DNMT1: variants seen among roughly 807,000 people sequenced by gnomAD.
The protein encoded by DNMT1 is DNA methyltransferase 1, also known as DNA (cytosine-5)-methyltransferase 1.
Under a neutral mutation model 205.3 loss-of-function variants are expected in DNMT1, and 24 were observed. The observed-to-expected ratio is 0.12, with a 90% CI of 0.08 to 0.16. The LOEUF is 0.16. DNMT1 is among the 10% of genes least tolerant of loss of function. The probability of loss-of-function intolerance (pLI) is 1.00; values close to 1 mark genes in which losing one functional copy is unlikely to be tolerated. For missense variants in DNMT1, 1,293 were observed against 2,177.7 expected (o/e 0.59, Z 8.09); for synonymous variants, 817 against 839.8 (o/e 0.97, Z 0.47).
chr19:10,142,212 T>C lies in DNMT1; in HGVS notation c.3125A>G (p.Asn1042Ser). The stretch of plus-strand genomic sequence containing the variant: ...GCTCGCTGGAGTGGACTTGTGGGTG[T>C]TCTCAGGCCTGCGAGCGGGAGAGGC... Reference protein sequence around the residue: ...IRVNKFYRPENTHKSTPASYH... With the variant: ...IRVNKFYRPESTHKSTPASYH... Residue 1042 changes from asparagine to serine, a missense_variant, in exon 30 of 41, where the codon AAC becomes AGC. By Grantham distance (46) the Asn-to-Ser change is conservative. Coordinates refer to ENST00000359526, the MANE Select transcript of DNMT1 (RefSeq NM_001130823.3). 6.2e-7 allele frequency: 1 copy of C among 1,613,956 alleles called. No homozygotes were observed. The highest frequency in any genetic ancestry group is 8.5e-7 in the Non-Finnish European group (1 of 1,180,016).
In DNMT1 at chr19:10,193,953, G is replaced by A. The variant is rs371369904; in HGVS notation, c.80+867C>T. ...GTGCTCCCACTGATCCTTGTGCACG[G>A]AAGTTGGACAGAGGCATGAACTGCT... is the stretch of plus-strand genomic sequence containing the variant. On this transcript the variant is annotated intron_variant, in intron 1 of 40. Transcript: ENST00000359526. Among the ~76,000 whole-genome samples the A allele has an allele frequency of 1.2e-4, 19 of 152,258 alleles. No individual in the cohort carries two copies. The East Asian group carries it at 3.3e-3, about 26-fold the overall frequency.
chr19:10,166,545 A>G, intron 11 of DNMT1, 53 bp downstream of exon 11: 7 of 1,610,302 alleles, frequency 4.3e-6, no homozygotes, highest in African/African-American at 1.3e-5. Context: ...CCGCCCAAGC[A>G]AACAGGAGCA....
chr19:10,172,763 C>A (rs533940585), intron 9 of DNMT1, among the ~76,000 whole-genome samples: 2 of 151,746 alleles, frequency 1.3e-5, no homozygotes, highest in Non-Finnish European at 2.9e-5. Context: ...TGCAACGAGC[C>A]GAGATCGCAC....
Position 10,180,418 on chromosome 19 carries a change from T to G in DNMT1, c.377A>C (p.Asn126Thr), listed in dbSNP as rs751681312. Residue 126 changes from asparagine (N) to threonine (T), a missense_variant, in exon 4 of 41, where the codon AAC becomes ACC. Physicochemically the swap from Asn to Thr is moderately conservative, Grantham distance 65. Transcript: ENST00000359526. ...TTTGGAAAGGGGTTTGGGGGGGCTG[T>G]TGGCATCTGCCATTCCCACTCTACG... ...EARRVGMADA[N>T]SPPKPLSKPR... 6.2e-7 allele frequency: 1 copy of G among 1,614,150 alleles called. No homozygotes were observed. Among genetic ancestry groups the G allele is most frequent in the South Asian group, 1.1e-5 (1 of 91,078 alleles).
Position 10,142,012 on chromosome 19 carries a change from C to A in DNMT1, c.3309+16G>T, listed in dbSNP as rs772128119. On this transcript the variant is annotated intron_variant, in intron 30 of 40. Coordinates refer to ENST00000359526, the MANE Select transcript of DNMT1 (RefSeq NM_001130823.3). ...TTTGACCCCGAAGCCTTCCCTCTAG[C>A]AAGCAGGGGCACCACCTCGAGGAAG... 3.1e-6 allele frequency: 5 copies of A among 1,611,598 alleles called. No homozygotes were observed. In the Middle Eastern group the frequency reaches 6.8e-4, roughly 218 times the overall value.
rs113257434 is a variant in DNMT1, at chr19:10,168,047, C to T, written c.803+283G>A. Among the ~76,000 whole-genome samples, 834 of 151,980 alleles carry T rather than the reference C, an allele frequency of 5.5e-3. 9 individuals are homozygous for T. Among genetic ancestry groups the T allele is most frequent in the African/African-American group, 0.019 (796 of 41,434 alleles). Reference sequence around the variant, plus strand: ...CTGAGACAGGAGAATTGCTTGAGCCCGGGAGGTGGGGGTTGCAGTGAGCCA... The same window carrying T: ...CTGAGACAGGAGAATTGCTTGAGCCTGGGAGGTGGGGGTTGCAGTGAGCCA... On this transcript the variant is annotated intron_variant, in intron 10 of 40. Transcript: ENST00000359526.
chr19:10,148,370 C>T (rs1378635957), intron 27 of DNMT1, among the ~76,000 whole-genome samples: 2 of 150,626 alleles, frequency 1.3e-5, no homozygotes, highest in East Asian at 3.9e-4. Flanking sequence ...GTGGCAGGCG[C>T]CTGTAGTCCC....
intron 38 of DNMT1, 23 bp downstream of exon 38, chr19:10,136,098 T>C: frequency 6.2e-7 from 1 of 1,613,692 alleles, no homozygotes; most frequent in African/African-American, 1.3e-5. Flanking sequence ...ACCCAGGCCC[T>C]CGGATGCCCC....
chr19:10,177,396 GA>G lies in DNMT1; in HGVS notation c.494-30del, dbSNP rs531336080. On this transcript the variant is annotated intron_variant, in intron 5 of 40. Coordinates refer to ENST00000359526, the MANE Select transcript of DNMT1 (RefSeq NM_001130823.3). ...TTTAAAGAAGAAAAAGCATTAAAAA[GA>G]AAAAAAAAAGCCACTATCAATAGAA... 1,461 of 1,435,186 alleles carry G rather than the reference GA, an allele frequency of 1.0e-3. 1 individual carries two copies. The highest frequency in any genetic ancestry group is 2.8e-3 in the Admixed American group (131 of 47,498). 88.9% of individuals were successfully genotyped at this position (1,435,186 alleles called of 1,614,324 possible).
Position 10,139,749 on chromosome 19 carries a change from C to A in DNMT1, c.3875G>T (p.Arg1292Leu). Residue 1292 changes from arginine (R) to leucine (L), a missense_variant, in exon 34 of 41, where the codon CGC becomes CTC. Arg to Leu is a moderately radical substitution (Grantham distance 102). Transcript: ENST00000359526. ...GAGGGTGAGCTTCAGGACCATGGAGCGCTTGAAGGAGACAAAGTTCCTGAC... is the reference window on the plus strand; with the variant it reads ...GAGGGTGAGCTTCAGGACCATGGAGAGCTTGAAGGAGACAAAGTTCCTGAC... ...ENVRNFVSFKRSMVLKLTLRC... is the reference protein window; with the variant it reads ...ENVRNFVSFKLSMVLKLTLRC... 1 of 1,612,200 alleles carries A rather than the reference C, an allele frequency of 6.2e-7. No homozygotes were observed. Among genetic ancestry groups the A allele is most frequent in the Non-Finnish European group, 8.5e-7 (1 of 1,179,426 alleles).
chr19:10,156,061 A>G lies in DNMT1; in HGVS notation c.1400-116T>C, dbSNP rs1387414749. The G allele has an allele frequency of 9.4e-7, 1 of 1,066,572 alleles. No individual in the cohort carries two copies. Among genetic ancestry groups the G allele is most frequent in the Non-Finnish European group, 1.4e-6 (1 of 716,498 alleles). The allele number at this position is 1,066,572 out of a possible 1,614,324, so 66.1% of individuals were successfully genotyped here. ...CAGCCAGGTCGGGTGCTCCTCAGTCATCACAATGACTTGGCCTACAGCTGC... is the reference window on the plus strand; with the variant it reads ...CAGCCAGGTCGGGTGCTCCTCAGTCGTCACAATGACTTGGCCTACAGCTGC... On this transcript the variant is annotated intron_variant, in intron 18 of 40. Transcript: ENST00000359526. This position sits in a 1 kb window ranked among gnomAD's most constrained non-coding sequence, Gnocchi z 4.2.
chr19:10,134,170 C>A, intron 40 of DNMT1, 47 bp downstream of exon 40: 3 of 1,604,214 alleles, frequency 1.9e-6, no homozygotes, highest in Non-Finnish European at 2.6e-6. Context: ...CATGTACCCC[C>A]AGAGGGCAGT....
Position 10,162,554 on chromosome 19 carries a change from G to A in DNMT1, c.1008+113C>T, listed in dbSNP as rs375571807. The stretch of plus-strand genomic sequence containing the variant: ...CAAAGTGCTGGGATTACAGGCGTGC[G>A]CCACCACGCCCAGTCTTCTTTTTCC... On this transcript the variant is annotated intron_variant, in intron 13 of 40. Transcript: ENST00000359526. The A allele has an allele frequency of 9.1e-4, 1,025 of 1,128,424 alleles. 4 individuals are homozygous for A. The highest frequency in any genetic ancestry group is 3.5e-3 in the South Asian group (243 of 70,212). 69.9% of individuals were successfully genotyped at this position (1,128,424 alleles called of 1,614,324 possible). A position where few individuals can be genotyped will look rare whatever the true frequency, so the allele number is the denominator to read the frequency against.
chr19:10,160,866 G>A (rs1410208708), intron 13 of DNMT1, among the ~76,000 whole-genome samples: 3 of 152,148 alleles, frequency 2.0e-5, no homozygotes, highest in Admixed American at 6.6e-5. Flanking sequence ...CAGCCTGGGC[G>A]ACAGAGTGAG....
At chr19:10,141,642 T>C in intron 30 of DNMT1, 1 of 330,342 alleles carries the variant, frequency 3.0e-6, no homozygotes, top group Non-Finnish European at 5.7e-6. Context: ...GGCCTGGACG[T>C]AGGCGCCTGG....
At chr19:10,135,591 G>C (rs1280004871) in intron 39 of DNMT1, 145 bp downstream of exon 39, 4 of 806,970 alleles carry the variant, frequency 5.0e-6, no homozygotes, top group South Asian at 1.5e-5. Context: ...CCCTCCTGTG[G>C]GCCGTCTTCC....
chr19:10,183,770 G>A (rs2039125988), intron 1 of DNMT1, among the ~76,000 whole-genome samples: 1 of 152,128 alleles, frequency 6.6e-6, no homozygotes, highest in African/African-American at 2.4e-5. Context: ...CCAGCAACTT[G>A]GGAGGCTGAG....
chr19:10,166,788 A>G (rs1599380396), intron 10 of DNMT1, 103 bp from the exon 11 acceptor site: 1 of 1,253,360 alleles, frequency 8.0e-7, no homozygotes, highest in East Asian at 2.4e-5. Context: ...CCCCAGGTTC[A>G]GAGGACAGGC....
chr19:10,161,560 T>A (rs189326156), intron 13 of DNMT1, among the ~76,000 whole-genome samples: 1 of 152,066 alleles, frequency 6.6e-6, no homozygotes, highest in Non-Finnish European at 1.5e-5. Flanking sequence ...GGTGGGAGGA[T>A]TGCTTCAGCC....
Sources: gnomAD v4.1 joint callset for allele counts (sites outside exome capture counted in the v4.1 genomes callset) on GRCh38, gnomAD v4.1.1 for gene constraint, Gnocchi (gnomAD v3.1) non-coding constraint, MANE v1.5 for transcripts, NCBI Gene and HGNC (gene_info 2026-07-23, HGNC 2026-07-21) for gene names.